TBC1D8: variants seen among roughly 807,000 people sequenced by gnomAD.
TBC1D8 encodes the protein TBC1 domain family member 8, also known as BUB2-like protein 1.
Under a neutral mutation model 118.8 loss-of-function variants are expected in TBC1D8, and 65 were observed. The ratio of observed to expected loss-of-function variants is 0.55; its 90% CI spans 0.45 to 0.67. TBC1D8 has a LOEUF of 0.67. Ranked by LOEUF, TBC1D8 falls within the 30% of genes least tolerant of loss-of-function variation. TBC1D8 has a pLI of 0.00. For missense variants in TBC1D8, 1,376 were observed against 1,471.2 expected (o/e 0.94, Z 1.06); for synonymous variants, 566 against 595.8 (o/e 0.95, Z 0.73).
intron 1 of TBC1D8, among the ~76,000 whole-genome samples, chr2:101,141,100 T>A (rs914731884): frequency 6.6e-6 from 1 of 152,058 alleles, no homozygotes; most frequent in African/African-American, 2.4e-5. Flanking sequence ...AGCTGTCAAC[T>A]TTCAGAAGTG....
intron 19 of TBC1D8, among the ~76,000 whole-genome samples, chr2:101,009,852 C>G (rs1366961995): frequency 1.4e-5 from 2 of 145,576 alleles, no homozygotes; most frequent in African/African-American, 2.6e-5. Context: ...GATGGAGTCT[C>G]GCTCTGTCGC....
intron 1 of TBC1D8, among the ~76,000 whole-genome samples, chr2:101,121,469 T>C (rs1678105588): frequency 6.6e-6 from 1 of 152,212 alleles, no homozygotes; most frequent in African/African-American, 2.4e-5. Context: ...GGACTGGCAC[T>C]CACATCCCAG....
At chr2:101,070,163 C>T (rs1162809507) in intron 2 of TBC1D8, among the ~76,000 whole-genome samples, 6 of 151,254 alleles carry the variant, frequency 4.0e-5, no homozygotes, top group African/African-American at 1.2e-4. Flanking sequence ...GTGATCTACC[C>T]GCCTCGACCT....
At chr2:101,097,836 T>G (rs1473469729) in intron 1 of TBC1D8, among the ~76,000 whole-genome samples, 1 of 152,214 alleles carries the variant, frequency 6.6e-6, no homozygotes, top group Non-Finnish European at 1.5e-5. Flanking sequence ...CACACTGCTG[T>G]ACTCCAGCCT....
chr2:101,037,528 C>A lies in TBC1D8; in HGVS notation c.1452+4G>T, dbSNP rs531018358. 6.2e-7 allele frequency: 1 copy of A among 1,611,596 alleles called. No individual in the cohort carries two copies. Among genetic ancestry groups the A allele is most frequent in the Admixed American group, 1.7e-5 (1 of 59,974 alleles). On this transcript the variant is annotated splice_donor_region_variant and intron_variant, in intron 8 of 19. Transcript: ENST00000409318. ...GTCCAGCTTGGGCACCAGGCGTCACCCACCATTCGGGAGTCAGGGCTCTGG... is the reference window on the plus strand; with the variant it reads ...GTCCAGCTTGGGCACCAGGCGTCACACACCATTCGGGAGTCAGGGCTCTGG...
At chr2:101,045,510 G>GT (rs1323608596) in intron 5 of TBC1D8, among the ~76,000 whole-genome samples, 1 of 152,214 alleles carries the variant, frequency 6.6e-6, no homozygotes, top group Non-Finnish European at 1.5e-5. Flanking sequence ...CTCAGGCTGC[G>GT]TGACAGGCCA....
At chr2:101,097,859 G>A (rs771690801) in intron 1 of TBC1D8, among the ~76,000 whole-genome samples, 24 of 152,246 alleles carry the variant, frequency 1.6e-4, no homozygotes, top group Admixed American at 3.9e-4. Flanking sequence ...ATGACACAGT[G>A]AGACCTTGTC....
At chr2:101,080,247 TG>T (rs1675172914) in intron 2 of TBC1D8, among the ~76,000 whole-genome samples, 1 of 151,982 alleles carries the variant, frequency 6.6e-6, no homozygotes, top group African/African-American at 2.4e-5. Flanking sequence ...CGAAAACAAG[TG>T]TAACAACTCG....
intron 1 of TBC1D8, among the ~76,000 whole-genome samples, chr2:101,114,109 C>G (rs7559325): frequency 0.15 from 23,458 of 152,166 alleles, 1,954 homozygotes; most frequent in Middle Eastern, 0.28. Flanking sequence ...TGAAAATGTG[C>G]AGGTATATTA....
At chr2:101,143,131 C>G (rs1442260298) in intron 1 of TBC1D8, among the ~76,000 whole-genome samples, 4 of 147,712 alleles carry the variant, frequency 2.7e-5, no homozygotes, top group Non-Finnish European at 5.9e-5. Flanking sequence ...GGCGAGATCT[C>G]GGCTCACTGC....
At chr2:101,008,366 A>G (rs1023700289) in intron 19 of TBC1D8, 93 bp from the exon 20 acceptor site, 37 of 1,026,038 alleles carry the variant, frequency 3.6e-5, no homozygotes, top group Non-Finnish European at 4.4e-5. Flanking sequence ...AGAAAACGAC[A>G]CAGTATTTTT....
chr2:101,150,567 C>G (rs1679512593), intron 1 of TBC1D8, among the ~76,000 whole-genome samples: 1 of 152,246 alleles, frequency 6.6e-6, no homozygotes, highest in African/African-American at 2.4e-5. Context: ...TGTTCAATTT[C>G]TCTACTGAGA....
intron 2 of TBC1D8, among the ~76,000 whole-genome samples, chr2:101,075,748 A>T (rs1674772397): frequency 6.6e-6 from 1 of 152,142 alleles, no homozygotes; most frequent in Non-Finnish European, 1.5e-5. Context: ...TTTCCTTTAT[A>T]AATTGTCCAG....
At chr2:101,109,363 A>C (rs1677434583) in intron 1 of TBC1D8, among the ~76,000 whole-genome samples, 1 of 152,238 alleles carries the variant, frequency 6.6e-6, no homozygotes, top group Non-Finnish European at 1.5e-5. Flanking sequence ...ATGGGCAAAC[A>C]AAAAACGGTT....
chr2:101,089,774 G>A (rs1283066784), intron 2 of TBC1D8, among the ~76,000 whole-genome samples: 2 of 152,078 alleles, frequency 1.3e-5, no homozygotes, highest in East Asian at 3.9e-4. Context: ...GCATCCAGGA[G>A]CACATTGGTA....
rs576995041 is a variant in TBC1D8, at chr2:101,138,704, C to T, written c.127+12423G>A. ...ACAGGGCGGGGTGTACTGGAGGGGA[C>T]GTGGCACTTCTGTGCCCTCTCTGGG... On this transcript the variant is annotated intron_variant, in intron 1 of 19. Transcript: ENST00000409318. Among the ~76,000 whole-genome samples the T allele has an allele frequency of 2.4e-4, 36 of 152,136 alleles. 1 individual carries two copies. Among genetic ancestry groups the T allele is most frequent in the South Asian group, 1.2e-3 (6 of 4,816 alleles).
chr2:101,086,155 A>C (rs1393021056), intron 2 of TBC1D8, among the ~76,000 whole-genome samples: 1 of 151,948 alleles, frequency 6.6e-6, no homozygotes, highest in Non-Finnish European at 1.5e-5. Context: ...AAAAAAAAAA[A>C]AACTTGACAA....
intron 17 of TBC1D8, chr2:101,017,986 C>A: frequency 6.7e-7 from 1 of 1,493,008 alleles, no homozygotes; most frequent in Non-Finnish European, 9.1e-7. Context: ...TCGAACGGTT[C>A]CAATGCTCGC....
At chr2:101,070,477 A>G (rs1180375602) in intron 2 of TBC1D8, among the ~76,000 whole-genome samples, 2 of 151,648 alleles carry the variant, frequency 1.3e-5, no homozygotes, top group Non-Finnish European at 2.9e-5. Flanking sequence ...CAGTGGCACA[A>G]TATCAGCTCA....
Sources: allele counts gnomAD v4.1 joint callset (sites outside exome capture counted in the v4.1 genomes callset), GRCh38; gene constraint gnomAD v4.1.1; transcripts MANE v1.5; gene names NCBI Gene and HGNC (gene_info 2026-07-23, HGNC 2026-07-21).